The following ERBB4 variants were observed in gnomAD, a reference collection of about 807,000 sequenced individuals.
ERBB4 encodes the protein erb-b2 receptor tyrosine kinase 4.
A neutral mutation model predicts 158.0 loss-of-function variants in ERBB4; 42 were observed. The ratio of observed to expected loss-of-function variants is 0.27; its 90% CI spans 0.21 to 0.34. The LOEUF is 0.34. Ranked by LOEUF, ERBB4 falls within the 10% of genes least tolerant of loss-of-function variation. The probability of loss-of-function intolerance (pLI) is 1.00; values close to 1 mark genes in which losing one functional copy is unlikely to be tolerated. For synonymous variants in ERBB4, 583 were observed against 558.7 expected (o/e 1.04, Z -0.61); for missense variants, 1,333 against 1,624.1 (o/e 0.82, Z 3.08).
intron 9 of ERBB4, among the ~76,000 whole-genome samples, chr2:211,711,095 A>C (rs1156592909): frequency 6.6e-6 from 1 of 152,094 alleles, no homozygotes; most frequent in Non-Finnish European, 1.5e-5. Flanking sequence ...ACATACTATT[A>C]TACTATCTAA....
intron 2 of ERBB4, among the ~76,000 whole-genome samples, chr2:211,992,793 T>C (rs1441866578): frequency 1.3e-5 from 2 of 152,152 alleles, no homozygotes; most frequent in Non-Finnish European, 2.9e-5. Context: ...CACCAGTGTG[T>C]TGCAGAGGAG....
At chr2:211,407,472 C>A (rs1239318464) in intron 25 of ERBB4, among the ~76,000 whole-genome samples, 1 of 151,996 alleles carries the variant, frequency 6.6e-6, no homozygotes, top group Non-Finnish European at 1.5e-5. Flanking sequence ...TGTTGCTAAA[C>A]AATTGTCTAT....
At chr2:212,243,474 T>G (rs558052993) in intron 1 of ERBB4, among the ~76,000 whole-genome samples, 2 of 152,274 alleles carry the variant, frequency 1.3e-5, no homozygotes, top group South Asian at 2.1e-4. Flanking sequence ...ATCTGTAAAT[T>G]TTTAGCTTTT....
At chr2:212,125,110 A>G (rs1250189724) in intron 1 of ERBB4, 2 of 579,552 alleles carry the variant, frequency 3.5e-6, no homozygotes, top group African/African-American at 1.9e-5. Context: ...AATCACAGAG[A>G]GTAGGAAGGC....
chr2:211,630,668 T>C, intron 16 of ERBB4, 74 bp from the exon 17 acceptor site: 5 of 1,304,872 alleles, frequency 3.8e-6, no homozygotes, highest in East Asian at 4.6e-5. Context: ...AAAAGAGCAG[T>C]TGTACAAGAC....
intron 1 of ERBB4, among the ~76,000 whole-genome samples, chr2:212,249,775 T>C (rs375082301): frequency 2.0e-5 from 3 of 152,208 alleles, no homozygotes; most frequent in East Asian, 3.9e-4. Context: ...CATTGTATTA[T>C]GCTTGTCAAC....
chr2:212,397,123 A>T, intron 1 of ERBB4, among the ~76,000 whole-genome samples: 1 of 152,222 alleles, frequency 6.6e-6, no homozygotes, highest in Admixed American at 6.5e-5. Context: ...TTATTTTTCC[A>T]GATGTCAGAA....
At chr2:212,184,943 G>A (rs78105393) in intron 1 of ERBB4, among the ~76,000 whole-genome samples, 1 of 151,638 alleles carries the variant, frequency 6.6e-6, no homozygotes, top group African/African-American at 2.4e-5. Context: ...CTTCACCCAC[G>A]GTCCTCTGTT....
intron 4 of ERBB4, among the ~76,000 whole-genome samples, chr2:211,761,907 C>T (rs914052809): frequency 1.3e-5 from 2 of 152,102 alleles, no homozygotes; most frequent in African/African-American, 4.8e-5. Context: ...ATTTTTGTCT[C>T]CTTTCAGGCT....
intron 3 of ERBB4, among the ~76,000 whole-genome samples, chr2:211,822,800 A>G (rs1481978921): frequency 6.6e-6 from 1 of 152,066 alleles, no homozygotes; most frequent in Admixed American, 6.6e-5. Flanking sequence ...TGTCTCTGAC[A>G]ACCACATGCT....
intron 1 of ERBB4, among the ~76,000 whole-genome samples, chr2:212,529,402 G>A (rs1267422751): frequency 6.6e-6 from 1 of 152,050 alleles, no homozygotes; most frequent in Non-Finnish European, 1.5e-5. Context: ...CTAAAAATGG[G>A]GATAGGGATG....
intron 1 of ERBB4, among the ~76,000 whole-genome samples, chr2:212,407,559 G>GTA (rs1429233130): frequency 2.0e-5 from 3 of 151,844 alleles, no homozygotes; most frequent in Non-Finnish European, 4.4e-5. Flanking sequence ...TACTTCATAT[G>GTA]TATATATATG....
chr2:212,221,377 C>T (rs2083285276), intron 1 of ERBB4, among the ~76,000 whole-genome samples: 1 of 151,500 alleles, frequency 6.6e-6, no homozygotes, highest in Admixed American at 6.6e-5. Context: ...AATTGCTATG[C>T]TTGCCATTTG....
chr2:211,579,061 G>C (rs1236587550), intron 19 of ERBB4, among the ~76,000 whole-genome samples: 1 of 152,010 alleles, frequency 6.6e-6, no homozygotes, highest in African/African-American at 2.4e-5. Flanking sequence ...TTTGGCAAAG[G>C]TCGAATATCC....
At chr2:212,244,425 T>C (rs16848038) in intron 1 of ERBB4, among the ~76,000 whole-genome samples, 3,938 of 152,176 alleles carry the variant, frequency 0.026, 166 homozygotes, top group African/African-American at 0.09. Flanking sequence ...TTTGAAAAAC[T>C]CTGCAAGGCA....
intron 1 of ERBB4, among the ~76,000 whole-genome samples, chr2:212,399,586 T>TATATA (rs1560214701): frequency 9.7e-6 from 1 of 103,052 alleles, no homozygotes; most frequent in Non-Finnish European, 2.0e-5. Context: ...ATATATATAT[T>TATATA]GGGCGTGGTG....
At chr2:212,440,927 A>G (rs893962212) in intron 1 of ERBB4, among the ~76,000 whole-genome samples, 1 of 152,168 alleles carries the variant, frequency 6.6e-6, no homozygotes, top group African/African-American at 2.4e-5. Context: ...TGGGCTTTAG[A>G]AGCAGATACT....
chr2:211,388,589 TAAGA>T (rs1310378181), intron 25 of ERBB4, among the ~76,000 whole-genome samples: 2 of 151,932 alleles, frequency 1.3e-5, no homozygotes, highest in African/African-American at 2.4e-5. Flanking sequence ...TTTTTTAAGT[TAAGA>T]AAGAGCAGAA....
At chr2:212,335,863 GA>G (rs1169901057) in intron 1 of ERBB4, among the ~76,000 whole-genome samples, 5 of 151,918 alleles carry the variant, frequency 3.3e-5, no homozygotes, top group Admixed American at 6.6e-5. Flanking sequence ...GGCATTTCAT[GA>G]AAAAGAAGTT....
Sources: gnomAD v4.1 joint callset for allele counts (sites outside exome capture counted in the v4.1 genomes callset) on GRCh38, gnomAD v4.1.1 for gene constraint, MANE v1.5 for transcripts, NCBI Gene and HGNC (gene_info 2026-07-23, HGNC 2026-07-21) for gene names.